Variants in GSTM2 observed in about 807,000 individuals in gnomAD.
The protein encoded by GSTM2 is GST class-mu 2.
In GSTM2, 33 loss-of-function variants were observed where a neutral mutation model predicts 33.3. The observed-to-expected ratio is 0.99, with a 90% CI of 0.75 to 1.33. The LOEUF (loss-of-function observed/expected upper bound fraction) is 1.33. Ranked by LOEUF, GSTM2 falls within the 40% of genes most tolerant of loss-of-function variation. GSTM2 has a pLI of 0.00. For missense variants in GSTM2, 213 were observed against 265.8 expected, an observed-to-expected ratio of 0.80 and a Z score of 1.38; for synonymous variants, 93 against 95.6, an observed-to-expected ratio of 0.97 and a Z score of 0.16.
chr1:109,674,237 CTGTT>C (rs1176806069), intron 7 of GSTM2, among the ~76,000 whole-genome samples: 2 of 151,938 alleles, frequency 1.3e-5, no homozygotes, highest in African/African-American at 4.8e-5. Flanking sequence ...GAAAAGGAGA[CTGTT>C]TGTGCAGTCA....
chr1:109,674,558 A>T (rs1248361243), intron 7 of GSTM2, among the ~76,000 whole-genome samples, 189 bp from the exon 8 acceptor site: 1 of 152,192 alleles, frequency 6.6e-6, no homozygotes, highest in Non-Finnish European at 1.5e-5. Context: ...GTACAACATT[A>T]CTTAAAGGAA....
chr1:109,669,584 A>C lies in GSTM2; in HGVS notation c.360+13A>C, dbSNP rs7553408. 3.3e-6 allele frequency: 5 copies of C among 1,517,648 alleles called. No homozygotes were observed. Among genetic ancestry groups the C allele is most frequent in the Non-Finnish European group, 3.7e-6 (4 of 1,094,702 alleles). The allele number at this position is 1,517,648 out of a possible 1,614,324, so 94.0% of individuals were successfully genotyped here. A position where few individuals can be genotyped will look rare whatever the true frequency, so the allele number is the denominator to read the frequency against. On this transcript the variant is annotated intron_variant, in intron 5 of 7. Coordinates refer to ENST00000241337, the MANE Select transcript of GSTM2 (RefSeq NM_000848.4). ...TGACCCAGATTTTGTAAGTCCCCCC[A>C]CCCCACTCCCAGTCTCCCCTTCCCT...
intron 7 of GSTM2, chr1:109,673,292 G>T (rs1570630273): frequency 1.2e-6 from 2 of 1,601,412 alleles, no homozygotes; most frequent in East Asian, 2.2e-5. Flanking sequence ...AGGCACAGTG[G>T]GAGATGCATA....
chr1:109,671,973 GAAAAAAAAAA>G (rs34285855), intron 7 of GSTM2, among the ~76,000 whole-genome samples: 16 of 76,390 alleles, frequency 2.1e-4, no homozygotes, highest in African/African-American at 8.3e-4. Context: ...TCCATCTCAA[GAAAAAAAAAA>G]AAAAAAAAAA....
chr1:109,670,985 T>C, intron 5 of GSTM2: 1 of 375,858 alleles, frequency 2.7e-6, no homozygotes, highest in South Asian at 4.3e-5. Flanking sequence ...GTCCAGAGCC[T>C]ACCAGGTGCT....
In GSTM2 at chr1:109,670,883, T is replaced by C. The variant is rs534710924; in HGVS notation, c.361-404T>C. On this transcript the variant is annotated intron_variant, in intron 5 of 7. Transcript: ENST00000241337. ...CTTTCCAGAAACCACTCAATGTCCA[T>C]TGTATTCTACTGCTGCCCAACTAGG... 6.5e-5 allele frequency: 11 copies of C among 170,016 alleles called. No homozygotes were observed. The South Asian group carries it at 1.7e-3, about 27-fold the overall frequency. The allele number at this position is 170,016 out of a possible 1,614,324, so 10.5% of individuals were successfully genotyped here. A position where few individuals can be genotyped will look rare whatever the true frequency, so the allele number is the denominator to read the frequency against.
chr1:109,668,430 C>G lies in GSTM2; in HGVS notation c.42C>G (p.Ala14=). The change falls in exon 2 of 8, where the codon GCC becomes GCG. Residue 14 remains alanine, a synonymous_variant. Coordinates refer to ENST00000241337, the MANE Select transcript of GSTM2 (RefSeq NM_000848.4). ...TLGYWNIRGL[A]HSIRLLLEYT... is the part of the protein sequence containing the mutation. The stretch of plus-strand genomic sequence containing the variant: ...CTGTGGGCCATCTCTCCCAGCTGGC[C>G]CATTCCATCCGCCTGCTCCTGGAAT... 1 of 1,614,122 alleles carries G rather than the reference C, an allele frequency of 6.2e-7. No homozygotes were observed. The highest frequency in any genetic ancestry group is 8.5e-7 in the Non-Finnish European group (1 of 1,179,990).
At chr1:109,669,250 G>T in intron 3 of GSTM2, 40 bp from the exon 4 acceptor site, 1 of 1,610,620 alleles carries the variant, frequency 6.2e-7, no homozygotes, top group Non-Finnish European at 8.5e-7. Context: ...TGGGGAGCCT[G>T]GTGGCCCAAC....
At chr1:109,671,075 G>T in intron 5 of GSTM2, 1 of 573,576 alleles carries the variant, frequency 1.7e-6, no homozygotes, top group East Asian at 2.9e-5. Context: ...ATTCCGCTCT[G>T]CCATCCCATC....
At chr1:109,671,436 T>C (rs756828627) in intron 6 of GSTM2, 37 bp from the exon 7 acceptor site, 4 of 1,569,734 alleles carry the variant, frequency 2.5e-6, no homozygotes, top group African/African-American at 1.3e-5. Context: ...TCCTATATTA[T>C]GGAGGTTTCA....
At position 109,668,121 on chromosome 1, in the gene GSTM2, C is replaced by T. The variant is rs1354001670; in HGVS notation, c.6C>T (p.Pro2=). 4.3e-6 allele frequency: 7 copies of T among 1,613,724 alleles called. No individual in the cohort carries two copies. In the South Asian group the frequency reaches 7.7e-5, roughly 18 times the overall value. M[P]MTLGYWNIRG... The stretch of plus-strand genomic sequence containing the variant: ...AATCCACAGCAACCAGCACCATGCC[C>T]ATGACACTGGGGTACTGGAACATCC... The change falls in exon 1 of 8, where the codon CCC becomes CCT. Residue 2 remains proline, a synonymous_variant. Coordinates refer to ENST00000241337, the MANE Select transcript of GSTM2 (RefSeq NM_000848.4).
chr1:109,676,817 G>A (rs1647716943), downstream of GSTM2, among the ~76,000 whole-genome samples: 2 of 152,160 alleles, frequency 1.3e-5, no homozygotes, highest in African/African-American at 4.8e-5. Context: ...GCCTCTTGTT[G>A]AAGTAACTTA....
chr1:109,672,595 G>T (rs1178147545), intron 7 of GSTM2, among the ~76,000 whole-genome samples: 2 of 152,232 alleles, frequency 1.3e-5, no homozygotes, highest in East Asian at 3.8e-4. Flanking sequence ...GGGTTTCATA[G>T]CCCAGGACAC....
chr1:109,671,675 C>G, intron 7 of GSTM2, 92 bp downstream of exon 7: 1 of 879,544 alleles, frequency 1.1e-6, no homozygotes, highest in Non-Finnish European at 2.0e-6. Context: ...CAAAGAATAA[C>G]TCACATTTTT....
At chr1:109,677,681 G>C (rs777010004), downstream of GSTM2, among the ~76,000 whole-genome samples, 1 of 152,180 alleles carries the variant, frequency 6.6e-6, no homozygotes, top group Non-Finnish European at 1.5e-5. Flanking sequence ...GGGCCTGGTG[G>C]AGTGCTGTAA....
chr1:109,671,390 G>T lies in GSTM2; in HGVS notation c.456+8G>T. The stretch of plus-strand genomic sequence containing the variant: ...TGGTTTCTTGGGGACAAGGTAATGG[G>T]GGCGTGTGATGGGGACACCACAGAT... On this transcript the variant is annotated splice_region_variant and intron_variant, in intron 6 of 7. Coordinates refer to ENST00000241337, the MANE Select transcript of GSTM2 (RefSeq NM_000848.4). 1 of 1,606,436 alleles carries T rather than the reference G, an allele frequency of 6.2e-7. No individual in the cohort carries two copies. The highest frequency in any genetic ancestry group is 8.5e-7 in the Non-Finnish European group (1 of 1,172,972).
intron 7 of GSTM2, chr1:109,673,174 CCT>C: frequency 6.2e-7 from 1 of 1,610,012 alleles, no homozygotes. Flanking sequence ...CTGGCCTCTT[CCT>C]CTCTTTTTTT....
downstream of GSTM2, among the ~76,000 whole-genome samples, chr1:109,675,634 T>C (rs1647684657): frequency 6.6e-6 from 1 of 152,208 alleles, no homozygotes; most frequent in African/African-American, 2.4e-5. Context: ...GGGTCCCTTT[T>C]ACCTTCTCCA....
intron 3 of GSTM2, 94 bp downstream of exon 3, chr1:109,669,083 T>C (rs373932116): frequency 7.1e-7 from 1 of 1,413,844 alleles, no homozygotes; most frequent in Non-Finnish European, 1.0e-6. Flanking sequence ...AGATCAGGAG[T>C]CTTCTGCCCA....
Sources: gnomAD v4.1 joint callset for allele counts (sites outside exome capture counted in the v4.1 genomes callset) on GRCh38, gnomAD v4.1.1 for gene constraint, MANE v1.5 for transcripts, NCBI Gene and HGNC (gene_info 2026-07-23, HGNC 2026-07-21) for gene names.